The following IPO11 variants were observed in gnomAD, a reference collection of about 807,000 sequenced individuals.
IPO11 encodes importin 11, also known as importin-11.
Under a neutral mutation model 143.2 loss-of-function variants are expected in IPO11, and 66 were observed. The observed-to-expected ratio is 0.46, with a 90% confidence interval of 0.38 to 0.57. The LOEUF is 0.57. Among genes scored for constraint, IPO11 ranks in the 20% least tolerant of loss-of-function variants. The pLI is 0.00. For missense variants in IPO11, 1,026 were observed against 1,141.0 expected (o/e 0.90, Z 1.45); for synonymous variants, 385 against 377.8 (o/e 1.02, Z -0.22).
intron 1 of IPO11, among the ~76,000 whole-genome samples, chr5:62,414,178 A>G (rs1381732148): frequency 1.3e-5 from 2 of 152,244 alleles, no homozygotes; most frequent in Admixed American, 6.5e-5. Flanking sequence ...TTATCTGATC[A>G]TTAATAGAAC....
chr5:62,435,118 GTATATATGTA>G lies in IPO11; in HGVS notation c.-6-2140_-6-2131del, dbSNP rs1254370447. ...TATATATGTATATATATGTATATAT[GTATATATGTA>G]TATATATGTATATATGTATATATGT... On this transcript the variant is annotated intron_variant, in intron 1 of 29. Coordinates refer to ENST00000325324, the MANE Select transcript of IPO11 (RefSeq NM_016338.5). 2.3e-4 allele frequency among the ~76,000 whole-genome samples: 14 copies of G among 60,722 alleles called. 1 individual carries two copies. The highest frequency in any genetic ancestry group is 4.9e-4 in the Admixed American group (3 of 6,088). The allele number at this position is 60,722 out of a possible 152,430, so 39.8% of individuals were successfully genotyped here. A position where few individuals can be genotyped will look rare whatever the true frequency, so the allele number is the denominator to read the frequency against.
chr5:62,612,465 A>G, intron 29 of IPO11, among the ~76,000 whole-genome samples: 1 of 152,204 alleles, frequency 6.6e-6, no homozygotes, highest in African/African-American at 2.4e-5. Context: ...GATTTTCTTT[A>G]CTTTAACCAA....
intron 26 of IPO11, among the ~76,000 whole-genome samples, chr5:62,556,559 C>T (rs908921281): frequency 1.6e-4 from 24 of 151,936 alleles, no homozygotes; most frequent in South Asian, 1.5e-3. Flanking sequence ...GGTAACAAAG[C>T]GAGACTCCAT....
At chr5:62,430,465 C>T (rs951208243) in intron 1 of IPO11, among the ~76,000 whole-genome samples, 1 of 151,932 alleles carries the variant, frequency 6.6e-6, no homozygotes, top group Admixed American at 6.6e-5. Context: ...GGACCACAGG[C>T]GTGTGCCATC....
At chr5:62,567,806 C>T (rs1025896768) in intron 27 of IPO11, among the ~76,000 whole-genome samples, 13 of 151,722 alleles carry the variant, frequency 8.6e-5, no homozygotes, top group Non-Finnish European at 1.8e-4. Context: ...AGGTGATCCG[C>T]CCACCTCAGC....
intron 21 of IPO11, among the ~76,000 whole-genome samples, chr5:62,526,906 A>C (rs576635392): frequency 3.3e-5 from 5 of 152,230 alleles, no homozygotes; most frequent in Non-Finnish European, 7.3e-5. Context: ...TTGATAGTGC[A>C]GTTAAAGAAA....
chr5:62,584,431 C>CTACCAAAAA (rs1352933652), intron 27 of IPO11, among the ~76,000 whole-genome samples: 10 of 151,830 alleles, frequency 6.6e-5, no homozygotes, highest in Admixed American at 6.6e-4. Flanking sequence ...AACCCCATCT[C>CTACCAAAAA]TACCAAAAAT....
intron 18 of IPO11, 33 bp from the exon 19 acceptor site, chr5:62,506,208 A>T: frequency 8.2e-7 from 1 of 1,214,458 alleles, no homozygotes; most frequent in Non-Finnish European, 1.2e-6. Context: ...TTCTATTATA[A>T]ACCTTTTTTA....
intron 27 of IPO11, among the ~76,000 whole-genome samples, chr5:62,572,545 G>GTTTATTTA (rs57028103): frequency 0.092 from 7,876 of 85,782 alleles, 273 homozygotes; most frequent in Admixed American, 0.19. Context: ...ATATTTGTTT[G>GTTTATTTA]TTTATTTATT....
At chr5:62,476,806 A>G in intron 9 of IPO11, 53 bp downstream of exon 9, 1 of 1,416,500 alleles carries the variant, frequency 7.1e-7, no homozygotes, top group African/African-American at 1.5e-5. Context: ...ATTCAGATTT[A>G]CAAAGGAAAA....
chr5:62,524,625 A>G (rs905574779), intron 20 of IPO11, among the ~76,000 whole-genome samples: 1 of 152,170 alleles, frequency 6.6e-6, no homozygotes, highest in Non-Finnish European at 1.5e-5. Context: ...AAAACTCCTT[A>G]ATAAAGCCTT....
intron 16 of IPO11, among the ~76,000 whole-genome samples, chr5:62,502,881 G>A (rs1741396876): frequency 6.6e-6 from 1 of 151,854 alleles, no homozygotes; most frequent in Admixed American, 6.6e-5. Flanking sequence ...CTGGAGTGCA[G>A]TGGCACAATC....
intron 6 of IPO11, among the ~76,000 whole-genome samples, chr5:62,467,634 G>A (rs766179082): frequency 6.6e-5 from 10 of 152,118 alleles, no homozygotes; most frequent in Non-Finnish European, 1.3e-4. Flanking sequence ...GCTGGAATGA[G>A]CACTGTCTTT....
chr5:62,493,809 T>A (rs561504933), intron 15 of IPO11, among the ~76,000 whole-genome samples, 189 bp from the exon 16 acceptor site: 1 of 152,298 alleles, frequency 6.6e-6, no homozygotes, highest in African/African-American at 2.4e-5. Flanking sequence ...CCTCAAGTGA[T>A]TTGCCCTCCT....
chr5:62,459,959 A>C (rs1315208248), intron 5 of IPO11, among the ~76,000 whole-genome samples: 1 of 152,228 alleles, frequency 6.6e-6, no homozygotes, highest in African/African-American at 2.4e-5. Flanking sequence ...AAACATGGAA[A>C]AGTAAAGAAA....
intron 22 of IPO11, among the ~76,000 whole-genome samples, chr5:62,535,017 A>ATATTTATTTATTTATTTATT (rs70981023): frequency 0.011 from 1,602 of 142,622 alleles, 16 homozygotes; most frequent in African/African-American, 0.021. Context: ...TATAATATTA[A>ATATTTATTTATTTATTTATT]TATTTATTTA....
chr5:62,536,857 G>A lies in IPO11; in HGVS notation c.2169+76G>A, dbSNP rs902544152. 81 of 1,319,886 alleles carry A rather than the reference G, an allele frequency of 6.1e-5. No individual in the cohort carries two copies. The East Asian group carries it at 7.2e-4, about 12-fold the overall frequency. The allele number at this position is 1,319,886 out of a possible 1,614,324, so 81.8% of individuals were successfully genotyped here. A position where few individuals can be genotyped will look rare whatever the true frequency, so the allele number is the denominator to read the frequency against. On this transcript the variant is annotated intron_variant, in intron 23 of 29. Coordinates refer to ENST00000325324, the MANE Select transcript of IPO11 (RefSeq NM_016338.5). ...ATTATTATTTGAAATCAGGGGGTAC[G>A]TTTTCAAAATTTTAAGATTGGTCTG... is the stretch of plus-strand genomic sequence containing the variant.
At chr5:62,598,395 T>TTGCTTGCTTGCTTGCTTGCTTGCTTG (rs1745314154) in intron 28 of IPO11, among the ~76,000 whole-genome samples, 1 of 10,888 alleles carries the variant, frequency 9.2e-5, no homozygotes, top group Non-Finnish European at 1.4e-4. Context: ...TTGCTTGCTT[T>TTGCTTGCTTGCTTGCTTGCTTGCTTG]CTTTCTTTCT....
At chr5:62,573,028 G>C (rs1011682718) in intron 27 of IPO11, among the ~76,000 whole-genome samples, 2 of 151,940 alleles carry the variant, frequency 1.3e-5, no homozygotes, top group Non-Finnish European at 2.9e-5. Context: ...AAATGTGGTA[G>C]TATCTTCTTG....
Sources: allele counts gnomAD v4.1 joint callset (sites outside exome capture counted in the v4.1 genomes callset), GRCh38; gene constraint gnomAD v4.1.1; transcripts MANE v1.5; gene names NCBI Gene and HGNC (gene_info 2026-07-23, HGNC 2026-07-21).